The following PPARGC1A variants were observed in gnomAD, a reference collection of about 807,000 sequenced individuals.
PPARGC1A encodes the protein PPARG coactivator 1 alpha, also known as peroxisome proliferator-activated receptor gamma coactivator 1-alpha.
A neutral mutation model predicts 88.7 loss-of-function variants in PPARGC1A; 25 were observed. The observed-to-expected ratio is 0.28, with a 90% confidence interval of 0.21 to 0.39. The LOEUF (loss-of-function observed/expected upper bound fraction) is 0.39. Ranked by LOEUF, PPARGC1A falls within the 10% of genes least tolerant of loss-of-function variation. PPARGC1A has a pLI of 1.00. For synonymous variants in PPARGC1A, 363 were observed against 355.6 expected (o/e 1.02, Z -0.24); for missense variants, 880 against 968.7 (o/e 0.91, Z 1.22).
chr4:24,311,533 A>G, the PPARGC1A span, among the ~76,000 whole-genome samples: 3 of 151,706 alleles, frequency 2.0e-5, no homozygotes, highest in Non-Finnish European at 2.9e-5. Flanking sequence ...CCAGCTACTC[A>G]GGAGGCTGAG....
the PPARGC1A span, among the ~76,000 whole-genome samples, chr4:24,266,977 A>G: frequency 1.3e-5 from 2 of 152,134 alleles, no homozygotes; most frequent in African/African-American, 2.4e-5. Context: ...CCCTTGTTCA[A>G]CCAGAAGACC....
chr4:23,959,017 C>CAAA, the PPARGC1A span, among the ~76,000 whole-genome samples: 8 of 138,850 alleles, frequency 5.8e-5, no homozygotes, highest in African/African-American at 2.2e-4. Context: ...TTTACCAAAC[C>CAAA]AAAAAAAAAA....
chr4:24,393,295 A>G, the PPARGC1A span, among the ~76,000 whole-genome samples: 1 of 152,180 alleles, frequency 6.6e-6, no homozygotes, highest in Non-Finnish European at 1.5e-5. Flanking sequence ...GTGAACATGA[A>G]TTTCAATTCC....
the PPARGC1A span, among the ~76,000 whole-genome samples, chr4:24,098,454 T>C: frequency 6.6e-6 from 1 of 152,196 alleles, no homozygotes; most frequent in Non-Finnish European, 1.5e-5. Context: ...TTCAGTTGTA[T>C]GGAATAAGAA....
At chr4:23,807,695 C>A (rs1720057557) in intron 10 of PPARGC1A, among the ~76,000 whole-genome samples, 1 of 151,812 alleles carries the variant, frequency 6.6e-6, no homozygotes, top group African/African-American at 2.4e-5. Flanking sequence ...CTATATGTAT[C>A]CATCACCTCC....
chr4:24,138,591 G>C, the PPARGC1A span, among the ~76,000 whole-genome samples: 21 of 152,294 alleles, frequency 1.4e-4, no homozygotes, highest in African/African-American at 3.4e-4. Flanking sequence ...CTGATCACAT[G>C]AAATGCACTT....
chr4:24,420,813 G>A, the PPARGC1A span, among the ~76,000 whole-genome samples: 2 of 152,084 alleles, frequency 1.3e-5, no homozygotes, highest in African/African-American at 4.8e-5. Context: ...GAAAACCTTA[G>A]ACTGGGTAAT....
chr4:24,309,879 A>G, the PPARGC1A span, among the ~76,000 whole-genome samples: 27 of 152,338 alleles, frequency 1.8e-4, no homozygotes, highest in East Asian at 2.9e-3. Flanking sequence ...TAATGGTGGT[A>G]AGGGTGATGG....
chr4:24,287,241 G>A, the PPARGC1A span, among the ~76,000 whole-genome samples: 2 of 151,406 alleles, frequency 1.3e-5, no homozygotes, highest in African/African-American at 2.4e-5. Context: ...ATTGCCAAAT[G>A]TCCTACAGGG....
the PPARGC1A span, among the ~76,000 whole-genome samples, chr4:24,309,141 G>GA: frequency 3.3e-5 from 5 of 150,114 alleles, no homozygotes; most frequent in Admixed American, 6.6e-5. Context: ...AGTGTGGAAA[G>GA]AAAAAAAAAG....
the PPARGC1A span, among the ~76,000 whole-genome samples, chr4:24,292,316 G>T: frequency 6.6e-6 from 1 of 152,086 alleles, no homozygotes; most frequent in East Asian, 1.9e-4. Flanking sequence ...AGAAAAGAAG[G>T]CCATGAGAGA....
the PPARGC1A span, among the ~76,000 whole-genome samples, chr4:24,387,938 A>AAGAAAG: frequency 8.7e-6 from 1 of 114,954 alleles, no homozygotes; most frequent in Admixed American, 7.8e-5. Flanking sequence ...AAGAAAGAGA[A>AAGAAAG]AGAAAGAAAG....
chr4:24,279,628 C>A, the PPARGC1A span, among the ~76,000 whole-genome samples: 1 of 152,124 alleles, frequency 6.6e-6, no homozygotes, highest in Non-Finnish European at 1.5e-5. Context: ...CACACATGGT[C>A]TTCTCACTCC....
chr4:23,995,108 T>C, the PPARGC1A span, among the ~76,000 whole-genome samples: 1 of 152,166 alleles, frequency 6.6e-6, no homozygotes. Flanking sequence ...CCAGTGGTAC[T>C]GACTGTATCA....
chr4:24,423,013 T>C, the PPARGC1A span, among the ~76,000 whole-genome samples: 1 of 152,198 alleles, frequency 6.6e-6, no homozygotes, highest in South Asian at 2.1e-4. Context: ...GTTACAGATA[T>C]TGAACAGTTG....
chr4:23,876,826 G>GA (rs957045647), intron 2 of PPARGC1A, among the ~76,000 whole-genome samples: 5 of 148,162 alleles, frequency 3.4e-5, no homozygotes, highest in African/African-American at 4.9e-5. Flanking sequence ...AAAGGAGAAA[G>GA]AAAAAAAAAA....
At position 23,882,498 on chromosome 4, in the gene PPARGC1A, A is replaced by G. The variant is rs552616600; in HGVS notation, c.234+2254T>C. On this transcript the variant is annotated intron_variant, in intron 2 of 12. Coordinates refer to ENST00000264867, the MANE Select transcript of PPARGC1A (RefSeq NM_013261.5). ...ATGTTTAGCAGCATTCCTTGTCTCT[A>G]GTCTCTACTCAATAAATGCTCGTAG... Among the ~76,000 whole-genome samples the G allele has an allele frequency of 6.6e-5, 10 of 152,226 alleles. No homozygotes were observed. In the East Asian group the frequency reaches 1.9e-3, roughly 29 times the overall value.
chr4:23,968,013 A>C, the PPARGC1A span, among the ~76,000 whole-genome samples: 1 of 152,162 alleles, frequency 6.6e-6, no homozygotes, highest in African/African-American at 2.4e-5. Context: ...GAAGAGAAGA[A>C]CTGGAAGTAA....
chr4:24,383,804 C>A, the PPARGC1A span, among the ~76,000 whole-genome samples: 9 of 152,158 alleles, frequency 5.9e-5, no homozygotes, highest in Admixed American at 5.2e-4. Context: ...AAACACTCTT[C>A]CAGATATTAT....
Sources: gnomAD v4.1 joint callset for allele counts (sites outside exome capture counted in the v4.1 genomes callset) on GRCh38, gnomAD v4.1.1 for gene constraint, MANE v1.5 for transcripts, NCBI Gene and HGNC (gene_info 2026-07-23, HGNC 2026-07-21) for gene names.